The following PALM2AKAP2 variants were observed in gnomAD, a reference collection of about 807,000 sequenced individuals.
PALM2AKAP2 encodes the protein PALM2 and AKAP2 fusion.
A neutral mutation model predicts 71.5 loss-of-function variants in PALM2AKAP2; 37 were observed. The ratio of observed to expected loss-of-function variants is 0.52; its 90% confidence interval spans 0.40 to 0.68. The LOEUF is 0.68. Among genes scored for constraint, PALM2AKAP2 ranks in the 30% least tolerant of loss-of-function variants. The pLI, the probability that PALM2AKAP2 is intolerant of heterozygous loss-of-function variation, is 0.00. For missense variants in PALM2AKAP2, 1,224 were observed against 1,191.8 expected, an observed-to-expected ratio of 1.03 and a Z score of -0.40; for synonymous variants, 468 against 478.8, an observed-to-expected ratio of 0.98 and a Z score of 0.29.
chr9:109,931,165 C>T (rs1831092457), intron 5 of PALM2AKAP2, among the ~76,000 whole-genome samples: 2 of 152,170 alleles, frequency 1.3e-5, no homozygotes, highest in South Asian at 4.1e-4. Flanking sequence ...TCCTCCTTTC[C>T]TCTGATACCT....
In PALM2AKAP2 at chr9:109,880,819, T is replaced by A; in HGVS notation, c.257+138T>A. 4 of 1,312,934 alleles carry A rather than the reference T, an allele frequency of 3.0e-6. No homozygotes were observed. The South Asian group carries it at 7.8e-5, about 26-fold the overall frequency. 81.3% of individuals were successfully genotyped at this position (1,312,934 alleles called of 1,614,324 possible). On this transcript the variant is annotated intron_variant, in intron 3 of 9. Coordinates refer to the PALM2AKAP2 transcript ENST00000302798. ...TTTCTTCCTAAACAAAGCACATTGATGTTGTTTAAACTTTTCCAGATGACC... is the reference window on the plus strand; with the variant it reads ...TTTCTTCCTAAACAAAGCACATTGAAGTTGTTTAAACTTTTCCAGATGACC...
chr9:110,129,721 A>G (rs995627048), intron 1 of PALM2AKAP2, among the ~76,000 whole-genome samples: 1 of 152,194 alleles, frequency 6.6e-6, no homozygotes, highest in African/African-American at 2.4e-5. Context: ...TTGTACATTT[A>G]CTTGGCTAGT....
chr9:109,866,917 A>T (rs1363455429), intron 1 of PALM2AKAP2: 1 of 408,998 alleles, frequency 2.4e-6, no homozygotes, highest in Non-Finnish European at 4.9e-6. Flanking sequence ...TGCTACCCCA[A>T]GGCTAGTGGC....
At chr9:109,985,873 C>T (rs1252418524) in intron 6 of PALM2AKAP2, among the ~76,000 whole-genome samples, 1 of 152,042 alleles carries the variant, frequency 6.6e-6, no homozygotes, top group Non-Finnish European at 1.5e-5. Flanking sequence ...TGGTCTTGAA[C>T]TCCTGCCCTC....
At chr9:110,052,961 T>A (rs564198145) in intron 1 of PALM2AKAP2, among the ~76,000 whole-genome samples, 1 of 152,380 alleles carries the variant, frequency 6.6e-6, no homozygotes, top group East Asian at 1.9e-4. Context: ...TCTTGAAAGT[T>A]AAGTGCCAGA....
chr9:109,811,730 C>T (rs1198300195), intron 1 of PALM2AKAP2, among the ~76,000 whole-genome samples: 1 of 152,058 alleles, frequency 6.6e-6, no homozygotes, highest in African/African-American at 2.4e-5. Context: ...TGCCACCATG[C>T]CTGGCTAATT....
intron 1 of PALM2AKAP2, among the ~76,000 whole-genome samples, chr9:109,680,453 G>T (rs1030096038): frequency 1.3e-5 from 2 of 152,202 alleles, no homozygotes; most frequent in Non-Finnish European, 2.9e-5. Flanking sequence ...TCAAATGTGT[G>T]TTAAGAATTG....
At chr9:109,846,159 A>T (rs1226200408) in intron 1 of PALM2AKAP2, among the ~76,000 whole-genome samples, 1 of 151,624 alleles carries the variant, frequency 6.6e-6, no homozygotes, top group Admixed American at 6.6e-5. Context: ...GTAGGACAGC[A>T]GGTCTTCTCT....
chr9:110,168,816 G>T lies in PALM2AKAP2; in HGVS notation c.*319G>T, dbSNP rs546514134. 6.2e-4 allele frequency: 159 copies of T among 256,248 alleles called. 3 individuals are homozygous for T. In the South Asian group the frequency reaches 7.6e-3, roughly 12 times the overall value. The allele number at this position is 256,248 out of a possible 1,614,324, so 15.9% of individuals were successfully genotyped here. On this transcript the variant is annotated 3_prime_UTR_variant, in exon 4 of 4. Transcript: ENST00000374525. The stretch of plus-strand genomic sequence containing the variant: ...CAAATCAACATAGTTGCTGCAGGCG[G>T]AACTGAGACCAGCCTCTCTGGGCGA...
At chr9:110,096,215 C>A (rs1429912682) in intron 1 of PALM2AKAP2, among the ~76,000 whole-genome samples, 1 of 152,182 alleles carries the variant, frequency 6.6e-6, no homozygotes, top group Non-Finnish European at 1.5e-5. Flanking sequence ...GTTTAATAAC[C>A]TGCCAAAGGC....
intron 7 of PALM2AKAP2, among the ~76,000 whole-genome samples, chr9:110,020,753 G>A (rs149228593): frequency 3.3e-5 from 5 of 152,116 alleles, no homozygotes; most frequent in South Asian, 2.1e-4. Flanking sequence ...TTACAGCAGT[G>A]TGAAAATGGA....
intron 1 of PALM2AKAP2, among the ~76,000 whole-genome samples, chr9:109,761,697 A>G (rs2118736567): frequency 6.6e-6 from 1 of 152,366 alleles, no homozygotes; most frequent in Admixed American, 6.5e-5. Flanking sequence ...TGCAAAGGAC[A>G]TGAACTCATT....
intron 1 of PALM2AKAP2, among the ~76,000 whole-genome samples, chr9:110,080,549 T>C (rs1423828705): frequency 6.6e-6 from 1 of 152,236 alleles, no homozygotes; most frequent in African/African-American, 2.4e-5. Context: ...AGGAAATCTG[T>C]GCTTAGAGTG....
At chr9:110,156,573 C>A in intron 3 of PALM2AKAP2, 76 bp downstream of exon 9, 1 of 1,471,976 alleles carries the variant, frequency 6.8e-7, no homozygotes, top group Non-Finnish European at 9.1e-7. Flanking sequence ...CCAGTTCAGG[C>A]ACAAATGTGT....
At chr9:109,868,897 C>T (rs543104318) in intron 2 of PALM2AKAP2, among the ~76,000 whole-genome samples, 1 of 152,314 alleles carries the variant, frequency 6.6e-6, no homozygotes, top group South Asian at 2.1e-4. Flanking sequence ...AAATTAGTAT[C>T]CTCTTCTCAC....
intron 1 of PALM2AKAP2, chr9:110,048,883 G>A (rs1281112646): frequency 5.9e-6 from 9 of 1,518,468 alleles, no homozygotes; most frequent in Non-Finnish European, 7.9e-6. Flanking sequence ...GGAGGGGAGG[G>A]GCTGGAGTGT....
At chr9:109,756,952 T>C (rs79745295) in intron 1 of PALM2AKAP2, among the ~76,000 whole-genome samples, 1,753 of 152,278 alleles carry the variant, frequency 0.012, 31 homozygotes, top group African/African-American at 0.041. Flanking sequence ...CAAGCATTTA[T>C]AGTTTCTATG....
At chr9:109,906,241 C>T (rs532430392) in intron 3 of PALM2AKAP2, among the ~76,000 whole-genome samples, 8 of 152,298 alleles carry the variant, frequency 5.3e-5, no homozygotes, top group Non-Finnish European at 1.2e-4. Flanking sequence ...CTCTGTCACC[C>T]AGGCTGGAGT....
chr9:109,895,449 CG>C (rs1312582207), intron 3 of PALM2AKAP2, among the ~76,000 whole-genome samples: 1 of 152,200 alleles, frequency 6.6e-6, no homozygotes. Context: ...TGCTCTCTCT[CG>C]GGACATCCTA....
Sources: allele counts gnomAD v4.1 joint callset (sites outside exome capture counted in the v4.1 genomes callset), GRCh38; gene constraint gnomAD v4.1.1; transcripts MANE v1.5; gene names NCBI Gene and HGNC (gene_info 2026-07-23, HGNC 2026-07-21).